Variants in SORBS2 observed in about 807,000 individuals in gnomAD.
The protein encoded by SORBS2 is sorbin and SH3 domain containing 2.
SORBS2 carries 46 observed loss-of-function variants against 97.7 expected under a neutral mutation model. That is an observed-to-expected ratio of 0.47 (90% CI 0.37 to 0.60). SORBS2 has a LOEUF of 0.60. Ranked by LOEUF, SORBS2 falls within the 20% of genes least tolerant of loss-of-function variation. The pLI is 0.00. For synonymous variants in SORBS2, 476 were observed against 473.4 expected (o/e 1.01, Z -0.07); for missense variants, 1,316 against 1,282.3 (o/e 1.03, Z -0.40).
intron 1 of SORBS2, among the ~76,000 whole-genome samples, chr4:185,855,454 A>G (rs1579203570): frequency 6.6e-6 from 1 of 152,150 alleles, no homozygotes; most frequent in African/African-American, 2.4e-5. Flanking sequence ...CACCGAGAAC[A>G]CTAGATTTTA....
At chr4:185,608,998 C>CT (rs397695201) in intron 12 of SORBS2, among the ~76,000 whole-genome samples, 76,610 of 148,306 alleles carry the variant, frequency 0.52, 19,788 homozygotes, top group African/African-American at 0.59. Context: ...ATTTATTTAG[C>CT]TTTTTTTTTT....
intron 12 of SORBS2, among the ~76,000 whole-genome samples, chr4:185,596,530 C>CTTTTTGTTT (rs2096093617): frequency 1.3e-5 from 1 of 77,432 alleles, no homozygotes; most frequent in African/African-American, 5.6e-5. Flanking sequence ...ACCGTCCTTG[C>CTTTTTGTTT]TTTTTTTTTT....
chr4:185,717,952 T>C (rs146584453), intron 2 of SORBS2, among the ~76,000 whole-genome samples: 88 of 152,284 alleles, frequency 5.8e-4, no homozygotes, highest in Admixed American at 1.4e-3. Flanking sequence ...TGAAATCATA[T>C]ATGTATGGCC....
Position 185,637,201 on chromosome 4 carries a change from C to T in SORBS2, c.397-6603G>A, listed in dbSNP as rs902041302. Among the ~76,000 whole-genome samples the T allele has an allele frequency of 2.6e-5, 4 of 152,246 alleles. No individual in the cohort carries two copies. The South Asian group carries it at 6.2e-4, about 24-fold the overall frequency. ...ATGGTGGTCCTATGGGATTATAAGA[C>T]TGTATTTTTACCATGCCTTTTCTAT... On this transcript the variant is annotated intron_variant, in intron 4 of 14. Transcript: ENST00000418609.
At chr4:185,741,864 A>G (rs2098729377) in intron 2 of SORBS2, among the ~76,000 whole-genome samples, 1 of 152,204 alleles carries the variant, frequency 6.6e-6, no homozygotes, top group South Asian at 2.1e-4. Flanking sequence ...CCTTTGAGGT[A>G]AGTATTAGGG....
chr4:185,773,567 G>A (rs918860989), intron 2 of SORBS2: 2 of 43,688 alleles, frequency 4.6e-5, no homozygotes, highest in African/African-American at 1.1e-4. Flanking sequence ...TCTTAGCAAG[G>A]TGCAGAGGAC....
rs551564745 is a variant in SORBS2 at position 185,720,905 on chromosome 4, C to T, written c.-197-42083G>A. Among the ~76,000 whole-genome samples the T allele has an allele frequency of 2.6e-3, 393 of 152,148 alleles. 4 individuals carry two copies. Among genetic ancestry groups the T allele is most frequent in the African/African-American group, 9.1e-3 (379 of 41,486 alleles). ...CGGCTCCGACACAAAGTGACAGCCG[C>T]GTGACCGTAGGCCCATCGCTCTGTC... On this transcript the variant is annotated intron_variant, in intron 2 of 20. Transcript: ENST00000284776.
At chr4:185,610,072 A>C (rs1388427051) in intron 12 of SORBS2, among the ~76,000 whole-genome samples, 1 of 152,250 alleles carries the variant, frequency 6.6e-6, no homozygotes, top group African/African-American at 2.4e-5. Flanking sequence ...AAAACTTGAA[A>C]ATATATTCAA....
At chr4:185,870,245 G>T (rs2099229641) in intron 1 of SORBS2, among the ~76,000 whole-genome samples, 2 of 152,198 alleles carry the variant, frequency 1.3e-5, no homozygotes, top group African/African-American at 4.8e-5. Context: ...TGAATGAAAA[G>T]TTGGGTTCCC....
Position 185,803,120 on chromosome 4 carries a change from C to T in SORBS2, c.-337-27754G>A, listed in dbSNP as rs564019520. On this transcript the variant is annotated intron_variant, in intron 1 of 20. Coordinates refer to the SORBS2 transcript ENST00000284776. Reference sequence around the variant, plus strand: ...GGTCCTATCCTTACGCTCCTGTTCTCTCCTCCTCTCAGGCCTTTTCTGCAC... The same window carrying T: ...GGTCCTATCCTTACGCTCCTGTTCTTTCCTCCTCTCAGGCCTTTTCTGCAC... Among the ~76,000 whole-genome samples, 6 of 152,298 alleles carry T rather than the reference C, an allele frequency of 3.9e-5. No individual in the cohort carries two copies. In the East Asian group the frequency reaches 1.2e-3, roughly 29 times the overall value.
chr4:185,665,687 G>C, intron 4 of SORBS2: 1 of 890,300 alleles, frequency 1.1e-6, no homozygotes, highest in South Asian at 5.1e-5. Context: ...CAACAAATCA[G>C]TCCTTTCAAG....
chr4:185,875,571 T>A (rs1005984316), intron 1 of SORBS2, among the ~76,000 whole-genome samples: 2 of 152,236 alleles, frequency 1.3e-5, no homozygotes, highest in Non-Finnish European at 2.9e-5. Context: ...TTTAAAAAAT[T>A]ATGCACATAA....
chr4:185,629,373 A>T (rs892343045), intron 5 of SORBS2, among the ~76,000 whole-genome samples: 14 of 152,052 alleles, frequency 9.2e-5, no homozygotes, highest in Admixed American at 7.2e-4. Context: ...TTTCTCAGGG[A>T]TGTTATTGCA....
chr4:185,653,027 A>T (rs2097339434), intron 1 of SORBS2, among the ~76,000 whole-genome samples: 1 of 152,258 alleles, frequency 6.6e-6, no homozygotes, highest in African/African-American at 2.4e-5. Context: ...GCACAAATAT[A>T]TAAAGTTCAC....
At chr4:185,767,260 A>T (rs969088978) in intron 2 of SORBS2, among the ~76,000 whole-genome samples, 4 of 151,814 alleles carry the variant, frequency 2.6e-5, no homozygotes, top group Non-Finnish European at 5.9e-5. Context: ...GCACTTTGGG[A>T]GGCCGAGGCG....
At chr4:185,629,544 A>T (rs948065297) in intron 5 of SORBS2, among the ~76,000 whole-genome samples, 1 of 146,360 alleles carries the variant, frequency 6.8e-6, no homozygotes, top group Non-Finnish European at 1.5e-5. Flanking sequence ...ATGTCTGAAT[A>T]TGTCTGAATT....
intron 1 of SORBS2, among the ~76,000 whole-genome samples, chr4:185,837,181 C>T (rs9994558): frequency 0.16 from 24,501 of 151,886 alleles, 2,098 homozygotes; most frequent in South Asian, 0.3. Flanking sequence ...AAATGTGCTC[C>T]GGAAAATTGC....
At position 185,886,521 on chromosome 4, in the gene SORBS2, C is replaced by T. The variant is rs1305563641; in HGVS notation, c.-338+69675G>A. ...AGTGAGCCAAGATCATACCACTGCACTCCAGCCTGGGCAACAGAGCAAGAC... is the reference window on the plus strand; with the variant it reads ...AGTGAGCCAAGATCATACCACTGCATTCCAGCCTGGGCAACAGAGCAAGAC... On this transcript the variant is annotated intron_variant, in intron 1 of 20. Transcript: ENST00000284776. Among the ~76,000 whole-genome samples, 20 of 140,572 alleles carry T rather than the reference C, an allele frequency of 1.4e-4. No homozygotes were observed. In the Admixed American group the frequency reaches 1.5e-3, roughly 10 times the overall value. 92.2% of individuals were successfully genotyped at this position (140,572 alleles called of 152,430 possible). A position where few individuals can be genotyped will look rare whatever the true frequency, so the allele number is the denominator to read the frequency against.
In SORBS2 at chr4:185,833,886, A is replaced by G. The variant is rs565966341; in HGVS notation, c.-337-58520T>C. Reference sequence around the variant, plus strand: ...AAAGCACTTGATGTTTTTGCGTCATATAAATAGTGTCTATCTTCCTCATTG... The same window carrying G: ...AAAGCACTTGATGTTTTTGCGTCATGTAAATAGTGTCTATCTTCCTCATTG... On this transcript the variant is annotated intron_variant, in intron 1 of 20. Transcript: ENST00000284776. Among the ~76,000 whole-genome samples the G allele has an allele frequency of 4.6e-5, 7 of 152,338 alleles. No homozygotes were observed. The East Asian group carries it at 1.3e-3, about 29-fold the overall frequency.
Sources: allele counts gnomAD v4.1 joint callset (sites outside exome capture counted in the v4.1 genomes callset), GRCh38; gene constraint gnomAD v4.1.1; transcripts MANE v1.5; gene names NCBI Gene and HGNC (gene_info 2026-07-23, HGNC 2026-07-21).